Variants in POLD3 observed in about 807,000 individuals in gnomAD.
POLD3 encodes the protein DNA polymerase delta 3, accessory subunit.
In POLD3, 19 loss-of-function variants were observed where a neutral mutation model predicts 58.2. The ratio of observed to expected loss-of-function variants is 0.33; its 90% confidence interval spans 0.23 to 0.48. The LOEUF is 0.48. Among genes scored for constraint, POLD3 ranks in the 20% least tolerant of loss-of-function variants. The pLI, the probability that POLD3 is intolerant of heterozygous loss-of-function variation, is 0.99. For synonymous variants in POLD3, 172 were observed against 193.5 expected (o/e 0.89, Z 0.92); for missense variants, 504 against 545.5 (o/e 0.92, Z 0.76).
intron 2 of POLD3, among the ~76,000 whole-genome samples, chr11:74,599,637 C>T (rs1469364658): frequency 2.0e-5 from 3 of 152,042 alleles, no homozygotes; most frequent in Non-Finnish European, 4.4e-5. Flanking sequence ...GCTGGGAGTA[C>T]AGGCTTGAGC....
intron 2 of POLD3, among the ~76,000 whole-genome samples, chr11:74,601,758 G>A (rs2031507994): frequency 6.6e-6 from 1 of 152,068 alleles, no homozygotes; most frequent in South Asian, 2.1e-4. Flanking sequence ...CTTCAGCCTG[G>A]GCGACAGAGT....
In POLD3 at chr11:74,629,249, C is replaced by A. The variant is rs116368997; in HGVS notation, c.932C>A (p.Thr311Lys). ...GKRVALSDDETKETENMRKKR... is the reference protein window; with the variant it reads ...GKRVALSDDEKKETENMRKKR... ...CGAGTAGCATTATCTGATGATGAGA[C>A]AAAGGAAACTGAAAACATGAGGAAA... The change falls in exon 9 of 12, where the codon ACA (threonine) becomes AAA (lysine). Residue 311 changes from threonine to lysine, a missense_variant. By Grantham distance (78) the Thr-to-Lys change is moderately conservative. Transcript: ENST00000263681. 1.2e-6 allele frequency: 2 copies of A among 1,606,016 alleles called. No homozygotes were observed. Among genetic ancestry groups the A allele is most frequent in the Non-Finnish European group, 1.7e-6 (2 of 1,175,362 alleles).
chr11:74,609,366 ATATATATTTTTTTTTTTTTTTTT>A (rs1454928659), intron 3 of POLD3, among the ~76,000 whole-genome samples: 1 of 42,590 alleles, frequency 2.3e-5, no homozygotes, highest in Non-Finnish European at 3.5e-5. Context: ...ATATATATAT[ATATATATTTTTTTTTTTTTTTTT>A]TTTTTTTTTG....
chr11:74,597,412 T>C (rs945610288), intron 2 of POLD3, among the ~76,000 whole-genome samples: 1 of 152,336 alleles, frequency 6.6e-6, no homozygotes, highest in Middle Eastern at 3.4e-3. Context: ...AAAAAAATCA[T>C]GGTTATCACT....
At chr11:74,665,932 G>T (rs759190443) in intron 4 of POLD3, among the ~76,000 whole-genome samples, 15 of 152,062 alleles carry the variant, frequency 9.9e-5, no homozygotes, top group Admixed American at 5.9e-4. Context: ...GAACAAAACG[G>T]ATTCATTTTA....
At position 74,634,649 on chromosome 11, in the gene POLD3, C is replaced by T; in HGVS notation, c.1073C>T (p.Pro358Leu). ...SPSPPPPPSP[P>L]LEPVPKTEPE... ...TCCCCACCTCCTCCTCCGTCTCCACCTCTTGAACCAGTGCCAAAGACTGAG... is the reference window on the plus strand; with the variant it reads ...TCCCCACCTCCTCCTCCGTCTCCACTTCTTGAACCAGTGCCAAAGACTGAG... The change falls in exon 10 of 12, where the codon CCT becomes CTT. Residue 358 changes from proline to leucine, a missense_variant. Coordinates refer to ENST00000263681, the MANE Select transcript of POLD3 (RefSeq NM_006591.3). 5 of 1,613,294 alleles carry T rather than the reference C, an allele frequency of 3.1e-6. No homozygotes were observed. The highest frequency in any genetic ancestry group is 4.2e-6 in the Non-Finnish European group (5 of 1,179,260).
At chr11:74,659,970 A>G (rs2033184984) in intron 4 of POLD3, among the ~76,000 whole-genome samples, 1 of 152,098 alleles carries the variant, frequency 6.6e-6, no homozygotes, top group South Asian at 2.1e-4. Context: ...GTACCAATTT[A>G]CTATATTAGT....
rs192271370 is a variant in POLD3, at chr11:74,633,060, A to C, written c.1007-1523A>C. ...GAGAGAGGTCTTAGAGGGTGTCACT[A>C]GGATTGTTTTCTTTGGTTAAGTCAA... On this transcript the variant is annotated intron_variant, in intron 9 of 11. Coordinates refer to ENST00000263681, the MANE Select transcript of POLD3 (RefSeq NM_006591.3). Among the ~76,000 whole-genome samples, 103 of 152,206 alleles carry C rather than the reference A, an allele frequency of 6.8e-4. 1 individual carries two copies. Among genetic ancestry groups the C allele is most frequent in the African/African-American group, 2.3e-3 (96 of 41,520 alleles).
At chr11:74,643,845 A>G (rs1339333379), downstream of POLD3, among the ~76,000 whole-genome samples, 1 of 152,230 alleles carries the variant, frequency 6.6e-6, no homozygotes, top group Non-Finnish European at 1.5e-5. Flanking sequence ...CTACCCTTGC[A>G]TATGCACATT....
chr11:74,594,340 C>G (rs41543714), intron 2 of POLD3, among the ~76,000 whole-genome samples: 10 of 152,162 alleles, frequency 6.6e-5, no homozygotes, highest in Admixed American at 1.3e-4. Context: ...CTTATATGAA[C>G]ACCAGTCATA....
chr11:74,593,585 A>G (rs1024461764), intron 1 of POLD3, among the ~76,000 whole-genome samples: 39 of 152,142 alleles, frequency 2.6e-4, no homozygotes, highest in African/African-American at 9.4e-4. Flanking sequence ...ATCTCTTATA[A>G]AAATATTTAC....
rs760156169 is a variant in POLD3, at chr11:74,618,602, A to G, written c.458A>G (p.Lys153Arg). 13 of 1,614,134 alleles carry G rather than the reference A, an allele frequency of 8.1e-6. No homozygotes were observed. The highest frequency in any genetic ancestry group is 1.3e-5 in the African/African-American group (1 of 75,050). Residue 153 changes from lysine to arginine, a missense_variant, in exon 6 of 12, where the codon AAA (lysine) becomes AGA (arginine). Coordinates refer to ENST00000263681, the MANE Select transcript of POLD3 (RefSeq NM_006591.3). ...RAPAESSSSS[K>R]KFEQSHLHMS... ...CCTGCTGAATCCTCTTCGTCTTCCA[A>G]AAAGTTTGAGCAGTCACATCTTCAC... is the stretch of plus-strand genomic sequence containing the variant.
intron 9 of POLD3, among the ~76,000 whole-genome samples, 200 bp from the exon 10 acceptor site, chr11:74,634,383 A>G (rs1225009816): frequency 3.3e-5 from 5 of 152,200 alleles, no homozygotes; most frequent in African/African-American, 9.6e-5. Context: ...ATAATTCTTG[A>G]TTCTCTGATT....
At chr11:74,615,334 A>G (rs551539191) in intron 5 of POLD3, among the ~76,000 whole-genome samples, 1 of 152,362 alleles carries the variant, frequency 6.6e-6, no homozygotes, top group Admixed American at 6.5e-5. Flanking sequence ...GGGAGCCACC[A>G]GAGATAAGAG....
chr11:74,601,145 TAG>T (rs1397161862), intron 2 of POLD3, among the ~76,000 whole-genome samples: 1 of 152,194 alleles, frequency 6.6e-6, no homozygotes, highest in Non-Finnish European at 1.5e-5. Flanking sequence ...GCAGGACTAT[TAG>T]TTGTGGATAA....
chr11:74,613,111 A>C, intron 5 of POLD3, 101 bp downstream of exon 5: 1 of 1,022,330 alleles, frequency 9.8e-7, no homozygotes. Flanking sequence ...GTCTAGTAAA[A>C]CCCCATTTAT....
At chr11:74,624,662 C>T (rs1283294488) in intron 7 of POLD3, among the ~76,000 whole-genome samples, 1 of 152,144 alleles carries the variant, frequency 6.6e-6, no homozygotes, top group African/African-American at 2.4e-5. Flanking sequence ...CCTCAGATGG[C>T]TAGGCCTGTT....
chr11:74,614,392 A>C (rs1339547785), intron 5 of POLD3, among the ~76,000 whole-genome samples: 2 of 152,152 alleles, frequency 1.3e-5, no homozygotes, highest in East Asian at 3.9e-4. Context: ...AGAAGTATGA[A>C]GGTTAATGAG....
At chr11:74,662,436 A>G (rs187052385) in intron 4 of POLD3, among the ~76,000 whole-genome samples, 2 of 152,134 alleles carry the variant, frequency 1.3e-5, no homozygotes, top group East Asian at 3.9e-4. Context: ...TCTTCAAGGG[A>G]ATAGGTTTTC....
Sources: allele counts gnomAD v4.1 joint callset (sites outside exome capture counted in the v4.1 genomes callset), GRCh38; gene constraint gnomAD v4.1.1; transcripts MANE v1.5; gene names NCBI Gene and HGNC (gene_info 2026-07-23, HGNC 2026-07-21).